Variants in ABCB7 observed in about 807,000 individuals in gnomAD.
ABCB7 encodes the protein iron-sulfur clusters transporter ABCB7, mitochondrial.
In ABCB7, 7 loss-of-function variants were observed where a neutral mutation model predicts 54.4. The ratio of observed to expected loss-of-function variants is 0.13; its 90% confidence interval spans 0.07 to 0.24. The LOEUF (loss-of-function observed/expected upper bound fraction) is 0.24. ABCB7 is among the 10% of genes least tolerant of loss of function. ABCB7 has a pLI of 1.00. For synonymous variants in ABCB7, 218 were observed against 207.1 expected, an observed-to-expected ratio of 1.05 and a Z score of -0.45; for missense variants, 356 against 570.4, an observed-to-expected ratio of 0.62 and a Z score of 3.83.
chrX:75,090,476 A>G (rs1397331869), intron 4 of ABCB7, among the ~76,000 whole-genome samples: 1 of 110,671 alleles, frequency 9.0e-6, no homozygotes, highest in Non-Finnish European at 1.9e-5. Flanking sequence ...AATTTGTGGG[A>G]TGCAGCAAAA....
intron 9 of ABCB7, among the ~76,000 whole-genome samples, 166 bp from the exon 10 acceptor site, chrX:75,070,688 G>A (rs1232226553): frequency 9.0e-6 from 1 of 110,812 alleles, no homozygotes; most frequent in Non-Finnish European, 1.9e-5. Context: ...GGTAATACAG[G>A]GAACTTAGTA....
At chrX:75,116,313 C>T (rs889489977) in intron 1 of ABCB7, among the ~76,000 whole-genome samples, 1 of 105,294 alleles carries the variant, frequency 9.5e-6, no homozygotes, top group African/African-American at 3.5e-5. Context: ...CCACCCCAAG[C>T]CCCCCGCCCC....
intron 13 of ABCB7, among the ~76,000 whole-genome samples, chrX:75,063,993 A>G (rs1475068049): frequency 9.0e-6 from 1 of 111,400 alleles, no homozygotes; most frequent in Non-Finnish European, 1.9e-5. Context: ...AGAATTAGCC[A>G]AACGGACACA....
At chrX:75,069,504 A>G (rs760443454) in intron 10 of ABCB7, 50 bp from the exon 11 acceptor site, 1 of 1,124,292 alleles carries the variant, frequency 8.9e-7, no homozygotes, top group East Asian at 3.0e-5. Context: ...CCTAGAGTAC[A>G]GCTACGAAGA....
chrX:75,107,818 G>T (rs1388430088), intron 3 of ABCB7, among the ~76,000 whole-genome samples: 1 of 110,931 alleles, frequency 9.0e-6, no homozygotes, highest in African/African-American at 3.3e-5. Context: ...AAAAGCAGGG[G>T]GGAAAGTGAA....
intron 15 of ABCB7, among the ~76,000 whole-genome samples, chrX:75,054,539 T>C (rs2081220038): frequency 9.0e-6 from 1 of 111,115 alleles, no homozygotes. Context: ...TATTTTCTTA[T>C]ATAGTCTTTT....
In ABCB7 at chrX:75,076,673, C is replaced by T; in HGVS notation, c.454-19G>A. 8.4e-7 allele frequency: 1 copy of T among 1,194,463 alleles called. No individual in the cohort carries two copies. ...TCATGGCCTAAAAACATAAAAACATCAATTACCCATTATACACAAAATACT... is the reference window on the plus strand; with the variant it reads ...TCATGGCCTAAAAACATAAAAACATTAATTACCCATTATACACAAAATACT... On this transcript the variant is annotated intron_variant, in intron 4 of 15. Transcript: ENST00000373394.
chrX:75,096,435 C>T (rs2081592278), intron 4 of ABCB7, among the ~76,000 whole-genome samples: 2 of 111,656 alleles, frequency 1.8e-5, no homozygotes. Flanking sequence ...TTTCTCTTAA[C>T]TGTACAGTCA....
At chrX:75,153,370 C>T (rs1033339684) in intron 1 of ABCB7, among the ~76,000 whole-genome samples, 2 of 111,350 alleles carry the variant, frequency 1.8e-5, no homozygotes, top group African/African-American at 6.5e-5. Context: ...TCTTCATAGG[C>T]ATCTTATATT....
At chrX:75,098,400 T>C in intron 4 of ABCB7, among the ~76,000 whole-genome samples, 1 of 111,549 alleles carries the variant, frequency 9.0e-6, no homozygotes, top group Middle Eastern at 4.6e-3. Flanking sequence ...AACTTTGCCT[T>C]ATATAGTACA....
intron 3 of ABCB7, among the ~76,000 whole-genome samples, chrX:75,106,935 G>A (rs1424312831): frequency 9.0e-6 from 1 of 110,956 alleles, no homozygotes; most frequent in Non-Finnish European, 1.9e-5. Flanking sequence ...CATAGTACCC[G>A]ATTTTAATGC....
rs780613360 is a variant in ABCB7 at position 75,102,522 on chromosome X, A to G, written c.334-3461T>C. 2.2e-4 allele frequency among the ~76,000 whole-genome samples: 25 copies of G among 111,890 alleles called. No individual in the cohort carries two copies. The East Asian group carries it at 7.0e-3, about 31-fold the overall frequency. ...CAGGATTTCACTTTTTTGTAGACTA[A>G]GAGTATTCCACATTTATATTATCGT... On this transcript the variant is annotated intron_variant, in intron 3 of 15. Coordinates refer to ENST00000373394, the MANE Select transcript of ABCB7 (RefSeq NM_001271696.3).
At chrX:75,118,136 C>T (rs1602389238) in intron 1 of ABCB7, among the ~76,000 whole-genome samples, 1 of 111,771 alleles carries the variant, frequency 8.9e-6, no homozygotes, top group South Asian at 3.7e-4. Flanking sequence ...TCAAGACAGC[C>T]CAGCAAACTG....
intron 4 of ABCB7, among the ~76,000 whole-genome samples, chrX:75,079,443 C>A (rs1243013740): frequency 1.8e-5 from 2 of 111,400 alleles, no homozygotes; most frequent in African/African-American, 6.5e-5. Flanking sequence ...CAATATCCTG[C>A]CTTTAGCAGA....
chrX:75,095,031 A>G (rs2081578913), intron 4 of ABCB7, among the ~76,000 whole-genome samples: 1 of 110,557 alleles, frequency 9.0e-6, no homozygotes, highest in African/African-American at 3.3e-5. Flanking sequence ...TTTTTGCTGG[A>G]GACAATGATA....
intron 1 of ABCB7, among the ~76,000 whole-genome samples, chrX:75,117,252 G>A (rs2081829291): frequency 9.2e-6 from 1 of 109,024 alleles, no homozygotes; most frequent in Non-Finnish European, 1.9e-5. Context: ...GGAAACCCTC[G>A]ACCTAAAGGC....
intron 1 of ABCB7, among the ~76,000 whole-genome samples, chrX:75,141,044 A>T (rs753111151): frequency 2.7e-5 from 3 of 111,734 alleles, no homozygotes; most frequent in African/African-American, 6.5e-5. Context: ...CACATGAGAG[A>T]TGAGCTAAAG....
At chrX:75,124,979 G>T (rs2081912062) in intron 1 of ABCB7, among the ~76,000 whole-genome samples, 1 of 111,932 alleles carries the variant, frequency 8.9e-6, no homozygotes, top group African/African-American at 3.2e-5. Context: ...ACTTGGAAGA[G>T]AACCCTCAAG....
intron 1 of ABCB7, among the ~76,000 whole-genome samples, chrX:75,135,953 C>T (rs1399879471): frequency 9.5e-6 from 1 of 105,350 alleles, no homozygotes; most frequent in East Asian, 3.0e-4. Context: ...CAGTCCTACT[C>T]AACATAGTCC....
Sources: gnomAD v4.1 joint callset for allele counts (sites outside exome capture counted in the v4.1 genomes callset) on GRCh38, gnomAD v4.1.1 for gene constraint, MANE v1.5 for transcripts, NCBI Gene and HGNC (gene_info 2026-07-23, HGNC 2026-07-21) for gene names.